SCAPER: variants seen among roughly 807,000 people sequenced by gnomAD.
SCAPER encodes the protein S phase cyclin A-associated protein in the endoplasmic reticulum.
A neutral mutation model predicts 182.2 loss-of-function variants in SCAPER; 98 were observed. That is an observed-to-expected ratio of 0.54 (90% CI 0.46 to 0.64). SCAPER has a LOEUF of 0.64. SCAPER is among the 30% of genes least tolerant of loss of function. The probability of loss-of-function intolerance (pLI) is 0.00; values close to 1 mark genes in which losing one functional copy is unlikely to be tolerated. For missense variants in SCAPER, 1,432 were observed against 1,690.0 expected, an observed-to-expected ratio of 0.85 and a Z score of 2.68; for synonymous variants, 605 against 564.6, an observed-to-expected ratio of 1.07 and a Z score of -1.01.
At chr15:76,418,461 T>C (rs2045806710) in intron 26 of SCAPER, among the ~76,000 whole-genome samples, 1 of 152,172 alleles carries the variant, frequency 6.6e-6, no homozygotes, top group Non-Finnish European at 1.5e-5. Flanking sequence ...ACCTGAACTC[T>C]CTCAGAGTAG....
intron 22 of SCAPER, among the ~76,000 whole-genome samples, chr15:76,583,386 A>C (rs1286521804): frequency 6.6e-6 from 1 of 151,964 alleles, no homozygotes; most frequent in Non-Finnish European, 1.5e-5. Flanking sequence ...GTAATCCCAT[A>C]AGCATGGATA....
At chr15:76,398,416 T>C (rs1467925497) in intron 27 of SCAPER, among the ~76,000 whole-genome samples, 2 of 152,352 alleles carry the variant, frequency 1.3e-5, no homozygotes, top group African/African-American at 2.4e-5. Context: ...TTAGACAAAA[T>C]TGATGTCTTA....
At chr15:76,530,223 C>T (rs953511112) in intron 23 of SCAPER, among the ~76,000 whole-genome samples, 2 of 152,138 alleles carry the variant, frequency 1.3e-5, no homozygotes, top group African/African-American at 4.8e-5. Context: ...AAATATCCCT[C>T]CAAAGTATTA....
At position 76,723,674 on chromosome 15, in the gene SCAPER, A is replaced by G. The variant is rs993509127; in HGVS notation, c.2165+4921T>C. ...TTCTTGTTGAATTGATCCCTTTACC[A>G]TTATGTAATGGCCTTGTCTCTTTTG... is the stretch of plus-strand genomic sequence containing the variant. On this transcript the variant is annotated intron_variant, in intron 17 of 31. Coordinates refer to ENST00000563290, the MANE Select transcript of SCAPER (RefSeq NM_020843.4). Among the ~76,000 whole-genome samples, 5 of 152,212 alleles carry G rather than the reference A, an allele frequency of 3.3e-5. No homozygotes were observed. The East Asian group carries it at 5.8e-4, about 18-fold the overall frequency.
intron 21 of SCAPER, among the ~76,000 whole-genome samples, chr15:76,649,439 C>T (rs1319440936): frequency 6.6e-6 from 1 of 151,604 alleles, no homozygotes; most frequent in Non-Finnish European, 1.5e-5. Context: ...CTGCTCCCCA[C>T]CACCACCCCC....
At chr15:76,514,275 T>C (rs756436544) in intron 23 of SCAPER, among the ~76,000 whole-genome samples, 2 of 152,194 alleles carry the variant, frequency 1.3e-5, no homozygotes, top group Non-Finnish European at 2.9e-5. Context: ...CCTGGCATAA[T>C]ACCTTAAAAG....
chr15:76,704,502 A>C (rs2059138151), intron 18 of SCAPER, among the ~76,000 whole-genome samples: 4 of 152,296 alleles, frequency 2.6e-5, no homozygotes, highest in South Asian at 4.1e-4. Flanking sequence ...TTTTTGTATA[A>C]GGTGTAAGGA....
chr15:76,464,301 T>A (rs2049423148), intron 25 of SCAPER, among the ~76,000 whole-genome samples: 1 of 152,142 alleles, frequency 6.6e-6, no homozygotes. Flanking sequence ...ACTTATAGCA[T>A]CATCAAGGTT....
intron 5 of SCAPER, among the ~76,000 whole-genome samples, chr15:76,825,840 G>A (rs2067963993): frequency 6.6e-6 from 1 of 152,124 alleles, no homozygotes; most frequent in South Asian, 2.1e-4. Context: ...TCCCTCCTGG[G>A]TTTAAGCAAT....
intron 15 of SCAPER, among the ~76,000 whole-genome samples, chr15:76,749,073 A>T (rs941871856): frequency 3.9e-5 from 6 of 152,110 alleles, no homozygotes; most frequent in African/African-American, 1.4e-4. Context: ...AAGAAACTAC[A>T]GAACACCCTC....
At chr15:76,748,217 G>A (rs1444892675) in intron 15 of SCAPER, among the ~76,000 whole-genome samples, 2 of 151,854 alleles carry the variant, frequency 1.3e-5, no homozygotes, top group Non-Finnish European at 2.9e-5. Context: ...CTCGAACTCT[G>A]GACCTCAGGT....
chr15:76,550,003 A>C (rs1171265389), intron 23 of SCAPER, among the ~76,000 whole-genome samples: 2 of 152,188 alleles, frequency 1.3e-5, no homozygotes, highest in East Asian at 3.9e-4. Context: ...GAAACGGTTA[A>C]TAGAGGAAGT....
intron 20 of SCAPER, among the ~76,000 whole-genome samples, chr15:76,689,324 A>C (rs1028896068): frequency 6.6e-6 from 1 of 152,212 alleles, no homozygotes; most frequent in Non-Finnish European, 1.5e-5. Context: ...AGGTAAAAAG[A>C]AGAAAAATTT....
intron 15 of SCAPER, among the ~76,000 whole-genome samples, chr15:76,744,928 T>G (rs2061717914): frequency 6.6e-6 from 1 of 151,988 alleles, no homozygotes; most frequent in Non-Finnish European, 1.5e-5. Context: ...TTAAAAAAAA[T>G]GTGGTACATA....
intron 23 of SCAPER, among the ~76,000 whole-genome samples, chr15:76,537,185 G>A (rs28815513): frequency 0.078 from 11,634 of 149,084 alleles, 511 homozygotes; most frequent in Middle Eastern, 0.11. Flanking sequence ...TCAAGCTACC[G>A]ATGACTTTCT....
intron 25 of SCAPER, among the ~76,000 whole-genome samples, chr15:76,438,796 AT>A (rs1387110012): frequency 1.3e-5 from 2 of 152,124 alleles, no homozygotes; most frequent in East Asian, 3.8e-4. Context: ...ACCGAAGCAA[AT>A]TTTTTTCATA....
intron 27 of SCAPER, among the ~76,000 whole-genome samples, chr15:76,389,908 G>A (rs2043565976): frequency 6.6e-6 from 1 of 151,876 alleles, no homozygotes; most frequent in Non-Finnish European, 1.5e-5. Flanking sequence ...AGATACCTGG[G>A]AGAATTTCCA....
chr15:76,752,644 C>T (rs543472767), intron 15 of SCAPER, among the ~76,000 whole-genome samples: 28 of 151,794 alleles, frequency 1.8e-4, no homozygotes, highest in African/African-American at 6.7e-4. Context: ...TACACCATAT[C>T]ATTCCATTTA....
intron 22 of SCAPER, among the ~76,000 whole-genome samples, chr15:76,604,633 T>C (rs898550579): frequency 1.7e-4 from 26 of 151,578 alleles, no homozygotes; most frequent in Admixed American, 9.3e-4. Context: ...GCCATTTTCG[T>C]GATATTGATT....
Sources: allele counts gnomAD v4.1 joint callset (sites outside exome capture counted in the v4.1 genomes callset), GRCh38; gene constraint gnomAD v4.1.1; transcripts MANE v1.5; gene names NCBI Gene and HGNC (gene_info 2026-07-23, HGNC 2026-07-21).